The following CTDSPL2 variants were observed in gnomAD, a reference collection of about 807,000 sequenced individuals.
The protein encoded by CTDSPL2 is CTD small phosphatase like 2.
CTDSPL2 carries 5 observed loss-of-function variants against 60.0 expected under a neutral mutation model. The observed-to-expected ratio is 0.08, with a 90% CI of 0.04 to 0.18. CTDSPL2 has a LOEUF of 0.18. CTDSPL2 is among the 10% of genes least tolerant of loss of function. The pLI, the probability that CTDSPL2 is intolerant of heterozygous loss-of-function variation, is 1.00. For synonymous variants in CTDSPL2, 186 were observed against 189.3 expected (o/e 0.98, Z 0.14); for missense variants, 370 against 548.8 (o/e 0.67, Z 3.26).
chr15:44,444,451 C>A (rs1158406896), intron 1 of CTDSPL2, among the ~76,000 whole-genome samples: 1 of 151,828 alleles, frequency 6.6e-6, no homozygotes, highest in Non-Finnish European at 1.5e-5. Context: ...CTCAAGTGAT[C>A]CTGCCACCTC....
intron 1 of CTDSPL2, among the ~76,000 whole-genome samples, chr15:44,450,847 C>T (rs2080321298): frequency 6.6e-6 from 1 of 151,998 alleles, no homozygotes; most frequent in Admixed American, 6.6e-5. Flanking sequence ...ATCTGCCTGC[C>T]TTGGCCTCCC....
In CTDSPL2 at chr15:44,521,425, T is replaced by C. The variant is rs762181956; in HGVS notation, c.1335+19T>C. ...AGAACTGGTAAGTGTAGCTTATCTT[T>C]TTCTGTTGTGTTTTTGTTAGCTCAA... is the stretch of plus-strand genomic sequence containing the variant. On this transcript the variant is annotated intron_variant, in intron 12 of 12. Coordinates refer to ENST00000260327, the MANE Select transcript of CTDSPL2 (RefSeq NM_016396.3). The C allele has an allele frequency of 8.3e-6, 11 of 1,321,174 alleles. No individual in the cohort carries two copies. Among genetic ancestry groups the C allele is most frequent in the Non-Finnish European group, 1.2e-5 (11 of 936,576 alleles). 81.8% of individuals were successfully genotyped at this position (1,321,174 alleles called of 1,614,324 possible).
At chr15:44,489,053 T>C (rs1196670745) in intron 4 of CTDSPL2, among the ~76,000 whole-genome samples, 1 of 151,994 alleles carries the variant, frequency 6.6e-6, no homozygotes, top group Non-Finnish European at 1.5e-5. Context: ...CATTGATATT[T>C]TCTTTGTGTG....
intron 1 of CTDSPL2, among the ~76,000 whole-genome samples, chr15:44,445,337 A>G (rs369507386): frequency 2.2e-4 from 34 of 151,940 alleles, no homozygotes; most frequent in African/African-American, 8.0e-4. Flanking sequence ...ATAGGCATGC[A>G]CCATCACACC....
At chr15:44,509,580 A>G (rs1337105336) in intron 8 of CTDSPL2, among the ~76,000 whole-genome samples, 1 of 152,184 alleles carries the variant, frequency 6.6e-6, no homozygotes, top group Non-Finnish European at 1.5e-5. Context: ...TACAATTTTT[A>G]TCTTAACACA....
chr15:44,506,702 A>G (rs2081472997), intron 8 of CTDSPL2, among the ~76,000 whole-genome samples: 1 of 151,966 alleles, frequency 6.6e-6, no homozygotes, highest in Non-Finnish European at 1.5e-5. Flanking sequence ...GATGTGAGCC[A>G]CCGTGCCCTG....
chr15:44,484,080 A>T, intron 2 of CTDSPL2, 144 bp from the exon 3 acceptor site: 1 of 669,206 alleles, frequency 1.5e-6, no homozygotes, highest in Non-Finnish European at 2.4e-6. Flanking sequence ...TTCTGTGTTG[A>T]TATTACCTAT....
rs2081905570 is a variant in CTDSPL2, at chr15:44,528,716, A to T, written c.*4542A>T. The T allele has an allele frequency of 6.6e-6, 1 of 152,138 alleles. No homozygotes were observed. Among genetic ancestry groups the T allele is most frequent in the Admixed American group, 6.6e-5 (1 of 15,256 alleles). 9.4% of individuals were successfully genotyped at this position (152,138 alleles called of 1,614,324 possible). The stretch of plus-strand genomic sequence containing the variant: ...GAGACCATTATATATATTATCTGTA[A>T]AATATTTCACTATTTTTTTATTTTA... On this transcript the variant is annotated 3_prime_UTR_variant, in exon 13 of 13. Transcript: ENST00000260327.
At chr15:44,439,259 C>T (rs1176505560) in intron 1 of CTDSPL2, among the ~76,000 whole-genome samples, 2 of 152,012 alleles carry the variant, frequency 1.3e-5, no homozygotes, top group Non-Finnish European at 2.9e-5. Context: ...CACCATTCTC[C>T]TGCCTCAGAC....
At chr15:44,480,428 T>G (rs1378590972) in intron 2 of CTDSPL2, among the ~76,000 whole-genome samples, 3 of 152,180 alleles carry the variant, frequency 2.0e-5, no homozygotes, top group Non-Finnish European at 4.4e-5. Context: ...TTTTTGAGTG[T>G]GGGGGATACC....
At chr15:44,473,191 T>G (rs2080846187) in intron 2 of CTDSPL2, among the ~76,000 whole-genome samples, 1 of 152,252 alleles carries the variant, frequency 6.6e-6, no homozygotes, top group Admixed American at 6.5e-5. Context: ...CACAGAACTT[T>G]TACATTTTGA....
chr15:44,471,988 A>G (rs1435766489), intron 2 of CTDSPL2, among the ~76,000 whole-genome samples: 2 of 151,566 alleles, frequency 1.3e-5, no homozygotes, highest in Non-Finnish European at 2.9e-5. Flanking sequence ...AAAAAAAGAG[A>G]AAAAACAAAG....
At chr15:44,431,060 G>A (rs984426279) in intron 1 of CTDSPL2, among the ~76,000 whole-genome samples, 1 of 151,524 alleles carries the variant, frequency 6.6e-6, no homozygotes, top group African/African-American at 2.4e-5. Flanking sequence ...GACCTCAGTT[G>A]ATCCACCCAC....
Position 44,457,555 on chromosome 15 carries a change from CTTTGTTAGCCTTTGTGTGT to C in CTDSPL2, c.-24-1433_-24-1415del, listed in dbSNP as rs578195121. Among the ~76,000 whole-genome samples, 253 of 136,292 alleles carry C rather than the reference CTTTGTTAGCCTTTGTGTGT, an allele frequency of 1.9e-3. 1 individual carries two copies. Among genetic ancestry groups the C allele is most frequent in the African/African-American group, 6.8e-3 (245 of 36,272 alleles). The allele number at this position is 136,292 out of a possible 152,430, so 89.4% of individuals were successfully genotyped here. A position where few individuals can be genotyped will look rare whatever the true frequency, so the allele number is the denominator to read the frequency against. The stretch of plus-strand genomic sequence containing the variant: ...CCATGTCAGCAAGAAGGCTGCTTTG[CTTTGTTAGCCTTTGTGTGT>C]TTATTGGTGTGGCACTTTTTTGGTT... On this transcript the variant is annotated intron_variant, in intron 1 of 12. Coordinates refer to ENST00000260327, the MANE Select transcript of CTDSPL2 (RefSeq NM_016396.3).
chr15:44,503,149 G>A (rs1400364867), intron 8 of CTDSPL2, among the ~76,000 whole-genome samples: 1 of 152,126 alleles, frequency 6.6e-6, no homozygotes, highest in Admixed American at 6.5e-5. Flanking sequence ...CTTGTTAAAC[G>A]TGAGGAAATG....
At chr15:44,438,844 T>G (rs1418737674) in intron 1 of CTDSPL2, among the ~76,000 whole-genome samples, 1 of 152,202 alleles carries the variant, frequency 6.6e-6, no homozygotes, top group East Asian at 1.9e-4. Flanking sequence ...TCCTTTTACC[T>G]GGGCTGCAGG....
chr15:44,456,137 A>G (rs1390907798), intron 1 of CTDSPL2, among the ~76,000 whole-genome samples: 2 of 152,130 alleles, frequency 1.3e-5, no homozygotes, highest in Non-Finnish European at 2.9e-5. Context: ...GGCGTGAGCC[A>G]CCGCGCCCGG....
At chr15:44,460,954 A>G (rs1032152769) in intron 2 of CTDSPL2, among the ~76,000 whole-genome samples, 2 of 151,064 alleles carry the variant, frequency 1.3e-5, no homozygotes, top group Non-Finnish European at 2.9e-5. Context: ...TTTAGTTGTC[A>G]TAAAGTGCGT....
intron 1 of CTDSPL2, among the ~76,000 whole-genome samples, chr15:44,431,716 G>GTTTTTTT (rs886785067): frequency 7.5e-6 from 1 of 133,628 alleles, no homozygotes; most frequent in African/African-American, 2.8e-5. Flanking sequence ...TTGTTTGTTT[G>GTTTTTTT]TTTTTTTTTT....
Sources: gnomAD v4.1 joint callset for allele counts (sites outside exome capture counted in the v4.1 genomes callset) on GRCh38, gnomAD v4.1.1 for gene constraint, MANE v1.5 for transcripts, NCBI Gene and HGNC (gene_info 2026-07-23, HGNC 2026-07-21) for gene names.